RIPOR2: variants seen among roughly 807,000 people sequenced by gnomAD.
RIPOR2 encodes RHO family interacting cell polarization regulator 2.
A neutral mutation model predicts 114.5 loss-of-function variants in RIPOR2; 39 were observed. The ratio of observed to expected loss-of-function variants is 0.34; its 90% CI spans 0.26 to 0.44. The LOEUF (loss-of-function observed/expected upper bound fraction) is 0.44, where lower values mean the gene tolerates loss of function less well. Ranked by LOEUF, RIPOR2 falls within the 20% of genes least tolerant of loss-of-function variation. The probability of loss-of-function intolerance (pLI) is 1.00; values close to 1 mark genes in which losing one functional copy is unlikely to be tolerated. For synonymous variants in RIPOR2, 445 were observed against 484.4 expected, an observed-to-expected ratio of 0.92 and a Z score of 1.07; for missense variants, 1,007 against 1,255.1, an observed-to-expected ratio of 0.80 and a Z score of 2.99.
At position 24,874,598 on chromosome 6, in the gene RIPOR2, T is replaced by A. The variant is rs1765539172; in HGVS notation, c.189-799A>T. Among the ~76,000 whole-genome samples the A allele has an allele frequency of 2.0e-5, 3 of 152,134 alleles. No individual in the cohort carries two copies. The South Asian group carries it at 6.2e-4, about 31-fold the overall frequency. ...GGCTTCAGGGAATGTGTATTCTGAG[T>A]GGAAATGTATTGCTTTTCTAAAACA... On this transcript the variant is annotated intron_variant, in intron 2 of 21. Coordinates refer to ENST00000643898, the MANE Select transcript of RIPOR2 (RefSeq NM_001286445.3).
chr6:24,853,530 C>T (rs1763163754), intron 8 of RIPOR2, among the ~76,000 whole-genome samples: 1 of 152,128 alleles, frequency 6.6e-6, no homozygotes, highest in African/African-American at 2.4e-5. Context: ...ACAGTTAAAG[C>T]CCACAGAAAT....
Position 24,989,776 on chromosome 6 carries a change from G to A in RIPOR2, c.76+52075C>T, listed in dbSNP as rs558426129. Reference sequence around the variant, plus strand: ...ATTTAATACCCTGGCTGGGCGCGGTGATCCCAGCACTTTGGGAGGCCGAGG... The same window carrying A: ...ATTTAATACCCTGGCTGGGCGCGGTAATCCCAGCACTTTGGGAGGCCGAGG... On this transcript the variant is annotated intron_variant, in intron 1 of 13. Transcript: ENST00000510784. Among the ~76,000 whole-genome samples, 3 of 151,836 alleles carry A rather than the reference G, an allele frequency of 2.0e-5. No individual in the cohort carries two copies. The East Asian group carries it at 5.9e-4, about 30-fold the overall frequency.
At chr6:25,031,323 A>C (rs1420298896) in intron 1 of RIPOR2, 1 of 152,196 alleles carries the variant, frequency 6.6e-6, no homozygotes, top group Non-Finnish European at 1.5e-5. Context: ...TAAGGACAGA[A>C]AACAGATCAC....
At chr6:25,039,438 C>T (rs1777379859) in intron 1 of RIPOR2, among the ~76,000 whole-genome samples, 2 of 152,320 alleles carry the variant, frequency 1.3e-5, no homozygotes, top group South Asian at 4.1e-4. Context: ...GGAAGAATAT[C>T]AGAATTCCCT....
intron 6 of RIPOR2, 124 bp downstream of exon 6, chr6:24,868,970 A>G (rs1764891235): frequency 1.8e-6 from 1 of 541,582 alleles, no homozygotes; most frequent in Admixed American, 3.5e-5. Flanking sequence ...CGTAATTGCT[A>G]GTCAGCTTAG....
At position 24,820,869 on chromosome 6, in the gene RIPOR2, C is replaced by CTTTTTT. The variant is rs34770819; in HGVS notation, c.2869-2250_2869-2245dup. 2.7e-3 allele frequency among the ~76,000 whole-genome samples: 225 copies of CTTTTTT among 84,032 alleles called. 14 individuals are homozygous for CTTTTTT. Among genetic ancestry groups the CTTTTTT allele is most frequent in the Non-Finnish European group, 3.2e-3 (146 of 46,056 alleles). The allele number at this position is 84,032 out of a possible 152,430, so 55.1% of individuals were successfully genotyped here. The stretch of plus-strand genomic sequence containing the variant: ...TTGTGTGGACATATGGTTTAACACT[C>CTTTTTT]TTTTTTTTTTTTTTTTTTTTTTTGA... On this transcript the variant is annotated intron_variant, in intron 19 of 21. Coordinates refer to ENST00000643898, the MANE Select transcript of RIPOR2 (RefSeq NM_001286445.3).
At chr6:24,940,622 G>A (rs193046844), upstream of RIPOR2, among the ~76,000 whole-genome samples, 146 of 152,140 alleles carry the variant, frequency 9.6e-4, no homozygotes, top group Non-Finnish European at 1.4e-3. Flanking sequence ...AAAATGCCAT[G>A]TCTAAAGAGC....
intron 1 of RIPOR2, among the ~76,000 whole-genome samples, chr6:24,965,874 G>A (rs1402220338): frequency 1.3e-5 from 2 of 152,066 alleles, no homozygotes; most frequent in Non-Finnish European, 2.9e-5. Flanking sequence ...ACTTTCAAAC[G>A]TACTCATCAC....
chr6:24,925,273 A>G (rs1039486516), intron 1 of RIPOR2, among the ~76,000 whole-genome samples: 2 of 152,216 alleles, frequency 1.3e-5, no homozygotes, highest in Admixed American at 6.5e-5. Flanking sequence ...TGTATTATCA[A>G]TATTAGGAAG....
At chr6:25,036,222 T>G (rs1188544099) in intron 1 of RIPOR2, among the ~76,000 whole-genome samples, 1 of 152,220 alleles carries the variant, frequency 6.6e-6, no homozygotes, top group Non-Finnish European at 1.5e-5. Context: ...GTGGTATCTC[T>G]GAGACAGCAG....
intron 1 of RIPOR2, among the ~76,000 whole-genome samples, chr6:24,957,478 G>C (rs1313750177): frequency 6.6e-6 from 1 of 152,154 alleles, no homozygotes; most frequent in African/African-American, 2.4e-5. Flanking sequence ...ATTATCATAG[G>C]GGAAATATAG....
At chr6:24,903,976 T>C (rs1768721271) in intron 1 of RIPOR2, among the ~76,000 whole-genome samples, 1 of 152,224 alleles carries the variant, frequency 6.6e-6, no homozygotes, top group Non-Finnish European at 1.5e-5. Context: ...CCCAACCCCT[T>C]CTTGCTGCCT....
chr6:25,001,079 C>T (rs573188432), intron 1 of RIPOR2, among the ~76,000 whole-genome samples: 27 of 152,144 alleles, frequency 1.8e-4, no homozygotes, highest in Non-Finnish European at 2.1e-4. Context: ...CACACACATA[C>T]GCACATGTAC....
intron 1 of RIPOR2, among the ~76,000 whole-genome samples, chr6:25,031,556 G>GAT (rs3056856): frequency 0.018 from 2,552 of 142,936 alleles, 19 homozygotes; most frequent in South Asian, 0.034. Flanking sequence ...AAGATTGACT[G>GAT]ATATATATAT....
rs142286007 is a variant in RIPOR2, at chr6:24,972,602, A to G, written c.76+69249T>C. Among the ~76,000 whole-genome samples the G allele has an allele frequency of 6.3e-3, 959 of 152,320 alleles. 13 individuals carry two copies. The highest frequency in any genetic ancestry group is 0.02 in the African/African-American group (819 of 41,580). On this transcript the variant is annotated intron_variant, in intron 1 of 13. Coordinates refer to the RIPOR2 transcript ENST00000510784. ...GGGTTTTATGATGTCTCAAAGGGAT[A>G]TTATAATGCCTCATGGAGTGAAACT...
chr6:25,022,565 T>TTTTTTTTTTTTTTTTTTTTTTTTTTG (rs1776383815), intron 1 of RIPOR2, among the ~76,000 whole-genome samples: 1 of 103,240 alleles, frequency 9.7e-6, no homozygotes, highest in Non-Finnish European at 1.8e-5. Context: ...TTTTTTTTTT[T>TTTTTTTTTTTTTTTTTTTTTTTTTTG]TTTAGACAGG....
chr6:25,001,701 CTT>C (rs775620654), intron 1 of RIPOR2, among the ~76,000 whole-genome samples: 31 of 102,486 alleles, frequency 3.0e-4, no homozygotes, highest in Non-Finnish European at 4.5e-4. Flanking sequence ...TCCTTTCTTT[CTT>C]TTTTTTTTTT....
chr6:24,913,911 C>T (rs982062549), intron 1 of RIPOR2, among the ~76,000 whole-genome samples: 1 of 152,116 alleles, frequency 6.6e-6, no homozygotes, highest in Non-Finnish European at 1.5e-5. Flanking sequence ...GGTGGGTATC[C>T]TCACCCCCAC....
At chr6:24,847,701 T>C in intron 12 of RIPOR2, 1 of 1,544,044 alleles carries the variant, frequency 6.5e-7, no homozygotes, top group African/African-American at 1.4e-5. Flanking sequence ...TCTTCAGAAG[T>C]GAAAGCAAGA....
Sources: allele counts gnomAD v4.1 joint callset (sites outside exome capture counted in the v4.1 genomes callset), GRCh38; gene constraint gnomAD v4.1.1; transcripts MANE v1.5; gene names NCBI Gene and HGNC (gene_info 2026-07-23, HGNC 2026-07-21).